The following CSNK2A2IP variants were observed in gnomAD, a reference collection of about 807,000 sequenced individuals.
The protein encoded by CSNK2A2IP is casein kinase 2 subunit alpha' interacting protein, also known as casein kinase II subunit alpha'-interacting protein.
the CSNK2A2IP span, among the ~76,000 whole-genome samples, chr3:88,386,116 C>T: frequency 3.3e-5 from 5 of 150,352 alleles, no homozygotes; most frequent in Non-Finnish European, 7.4e-5. Context: ...AATTTCTTTT[C>T]TATGCTATTT....
At chr3:88,343,016 T>G in the CSNK2A2IP span, 1 of 152,112 alleles carries the variant, frequency 6.6e-6, no homozygotes, top group East Asian at 1.9e-4. Flanking sequence ...GGAGACATAA[T>G]CCAGGACAGC....
At chr3:88,351,520 CAT>C in the CSNK2A2IP span, among the ~76,000 whole-genome samples, 1 of 152,032 alleles carries the variant, frequency 6.6e-6, no homozygotes, top group African/African-American at 2.4e-5. Flanking sequence ...TAGTGATAAT[CAT>C]AGTCAATATG....
chr3:88,350,102 A>C, the CSNK2A2IP span, among the ~76,000 whole-genome samples: 5,527 of 152,108 alleles, frequency 0.036, 152 homozygotes, highest in East Asian at 0.14. Flanking sequence ...ATCTAAACAC[A>C]GCCTTTTCTA....
At chr3:88,431,718 G>A in the CSNK2A2IP span, among the ~76,000 whole-genome samples, 1 of 152,182 alleles carries the variant, frequency 6.6e-6, no homozygotes, top group Non-Finnish European at 1.5e-5. Context: ...TTCTTGATGA[G>A]TTGTGGGCAC....
At chr3:88,451,426 GTT>G in the CSNK2A2IP span, among the ~76,000 whole-genome samples, 143 of 148,480 alleles carry the variant, frequency 9.6e-4, no homozygotes, top group African/African-American at 3.4e-3. Context: ...TAAAATCAGG[GTT>G]TTTTTTTTTC....
chr3:88,453,569 A>T, the CSNK2A2IP span, among the ~76,000 whole-genome samples: 1 of 151,990 alleles, frequency 6.6e-6, no homozygotes, highest in Non-Finnish European at 1.5e-5. Context: ...TATATCTTAG[A>T]TTTCTTTTGA....
the CSNK2A2IP span, among the ~76,000 whole-genome samples, chr3:88,445,868 A>G: frequency 6.6e-6 from 1 of 151,784 alleles, no homozygotes; most frequent in African/African-American, 2.4e-5. Context: ...AATCTTGTTC[A>G]TTTTAATGGT....
the CSNK2A2IP span, among the ~76,000 whole-genome samples, chr3:88,343,791 A>T: frequency 2.6e-5 from 4 of 151,976 alleles, no homozygotes; most frequent in Middle Eastern, 3.4e-3. Flanking sequence ...TTAGCAGAAA[A>T]TATCAAACAG....
At chr3:88,440,440 G>A in the CSNK2A2IP span, among the ~76,000 whole-genome samples, 1 of 152,018 alleles carries the variant, frequency 6.6e-6, no homozygotes, top group African/African-American at 2.4e-5. Flanking sequence ...AAAGGCTTTG[G>A]AAGTGTCTAG....
At chr3:88,453,352 C>A in the CSNK2A2IP span, among the ~76,000 whole-genome samples, 9 of 152,010 alleles carry the variant, frequency 5.9e-5, no homozygotes, top group Non-Finnish European at 1.3e-4. Flanking sequence ...TTAAAACAAA[C>A]AATGCTAGGT....
the CSNK2A2IP span, among the ~76,000 whole-genome samples, chr3:88,382,093 C>T: frequency 6.6e-6 from 1 of 152,334 alleles, no homozygotes; most frequent in South Asian, 2.1e-4. Flanking sequence ...AATTTTCCTG[C>T]AGCATGAAGA....
the CSNK2A2IP span, among the ~76,000 whole-genome samples, chr3:88,384,508 C>G: frequency 5.9e-5 from 9 of 152,110 alleles, no homozygotes; most frequent in Middle Eastern, 0.02. Flanking sequence ...GAAGCTGGTG[C>G]GGCTGTTGTA....
chr3:88,464,192 T>C, the CSNK2A2IP span, among the ~76,000 whole-genome samples: 1 of 150,570 alleles, frequency 6.6e-6, no homozygotes, highest in Non-Finnish European at 1.5e-5. Context: ...AGGGATAGCA[T>C]TAGGAGATAT....
At chr3:88,426,899 C>T in the CSNK2A2IP span, among the ~76,000 whole-genome samples, 20 of 96,684 alleles carry the variant, frequency 2.1e-4, no homozygotes, top group African/African-American at 6.1e-4. Context: ...TGGGGGGGGG[C>T]GGTGGGGTGT....
the CSNK2A2IP span, among the ~76,000 whole-genome samples, chr3:88,380,508 T>C: frequency 1.3e-5 from 2 of 151,742 alleles, no homozygotes; most frequent in East Asian, 3.9e-4. Flanking sequence ...TAGAATATCA[T>C]TTATTAAGAT....
chr3:88,343,044 A>C, the CSNK2A2IP span: 2 of 152,008 alleles, frequency 1.3e-5, no homozygotes, highest in Non-Finnish European at 1.5e-5. Flanking sequence ...CAGATTCATA[A>C]GCCATTTTCG....
chr3:88,451,864 G>A, the CSNK2A2IP span, among the ~76,000 whole-genome samples: 2 of 151,282 alleles, frequency 1.3e-5, no homozygotes, highest in African/African-American at 2.4e-5. Flanking sequence ...CCTTCCTTAA[G>A]TTTGGACTGC....
At chr3:88,394,718 C>T in the CSNK2A2IP span, among the ~76,000 whole-genome samples, 4 of 152,296 alleles carry the variant, frequency 2.6e-5, no homozygotes, top group African/African-American at 7.2e-5. Flanking sequence ...TGCACTGCTT[C>T]ACCCATTTAT....
chr3:88,362,328 T>A, the CSNK2A2IP span, among the ~76,000 whole-genome samples: 1 of 152,300 alleles, frequency 6.6e-6, no homozygotes, highest in South Asian at 2.1e-4. Flanking sequence ...TAGGGAGTGA[T>A]CTAAACCCAG....
Sources: allele counts gnomAD v4.1 joint callset (sites outside exome capture counted in the v4.1 genomes callset), GRCh38; gene constraint gnomAD v4.1.1; transcripts MANE v1.5; gene names NCBI Gene and HGNC (gene_info 2026-07-23, HGNC 2026-07-21).